The following KNTC1 variants were observed in gnomAD, a reference collection of about 807,000 sequenced individuals.
The protein encoded by KNTC1 is kinetochore-associated protein 1.
KNTC1 carries 253 observed loss-of-function variants against 314.4 expected under a neutral mutation model. That is an observed-to-expected ratio of 0.80 (90% CI 0.73 to 0.89). The LOEUF is 0.89. KNTC1 is among the 40% of genes least tolerant of loss of function. The probability of loss-of-function intolerance (pLI) is 0.00; values close to 1 mark genes in which losing one functional copy is unlikely to be tolerated. For missense variants in KNTC1, 2,475 were observed against 2,572.9 expected, an observed-to-expected ratio of 0.96 and a Z score of 0.82; for synonymous variants, 901 against 901.4, an observed-to-expected ratio of 1.00 and a Z score of 0.01.
rs1257884955 is a variant in KNTC1, at chr12:122,543,584, T to G, written c.524-16T>G. ...ATTAATACTATACATTTAGCCTGCT[T>G]TCTTTTTTAATGCAGCAATTGAGAA... On this transcript the variant is annotated splice_polypyrimidine_tract_variant and intron_variant, in intron 6 of 63. Coordinates refer to ENST00000333479, the MANE Select transcript of KNTC1 (RefSeq NM_014708.6). 6.5e-7 allele frequency: 1 copy of G among 1,540,548 alleles called. No homozygotes were observed. Among genetic ancestry groups the G allele is most frequent in the Non-Finnish European group, 8.8e-7 (1 of 1,135,654 alleles).
chr12:122,584,963 A>G lies in KNTC1; in HGVS notation c.3507A>G (p.Gln1169=). The G allele has an allele frequency of 6.2e-7, 1 of 1,603,040 alleles. No individual in the cohort carries two copies. Among genetic ancestry groups the G allele is most frequent in the South Asian group, 1.1e-5 (1 of 90,822 alleles). ...CTGTAGAGCTTTCCAGACAATGCCAAATGGATGACTGTGGAATCCTCATGA... is the reference window on the plus strand; with the variant it reads ...CTGTAGAGCTTTCCAGACAATGCCAGATGGATGACTGTGGAATCCTCATGA... The part of the protein sequence containing the change: ...LMAVELSRQC[Q]MDDCGILMKA... The change falls in exon 36 of 64, where the codon CAA becomes CAG. Residue 1169 remains glutamine (Q), a synonymous_variant. Coordinates refer to ENST00000333479, the MANE Select transcript of KNTC1 (RefSeq NM_014708.6).
chr12:122,604,142 G>C (rs1872305759), intron 48 of KNTC1, among the ~76,000 whole-genome samples: 1 of 150,578 alleles, frequency 6.6e-6, no homozygotes, highest in Non-Finnish European at 1.5e-5. Context: ...AATAGGAATG[G>C]AATCTGATGA....
At chr12:122,622,700 G>A in intron 62 of KNTC1, 93 bp downstream of exon 62, 2 of 1,075,168 alleles carry the variant, frequency 1.9e-6, no homozygotes, top group South Asian at 3.6e-5. Context: ...TGTAATCCTA[G>A]CACTTTGGGA....
rs759525973 is a variant in KNTC1 at position 122,614,975 on chromosome 12, CT to C, written c.5878-9del. On this transcript the variant is annotated splice_polypyrimidine_tract_variant and intron_variant, in intron 55 of 63. Coordinates refer to ENST00000333479, the MANE Select transcript of KNTC1 (RefSeq NM_014708.6). The stretch of plus-strand genomic sequence containing the variant: ...TGTCTTGGAATAGCATGATTTTTTT[CT>C]TTTTTTGGCTTCAGGCAGTAAGATT... 3.1e-6 allele frequency: 5 copies of C among 1,589,258 alleles called. No individual in the cohort carries two copies. The highest frequency in any genetic ancestry group is 2.2e-5 in the East Asian group (1 of 44,494).
chr12:122,604,533 C>CTTCA, intron 48 of KNTC1, 31 bp from the exon 49 acceptor site: 1 of 1,174,770 alleles, frequency 8.5e-7, no homozygotes, highest in East Asian at 2.6e-5. Context: ...GCCTGTAAAT[C>CTTCA]TTTATTTATT....
intron 56 of KNTC1, among the ~76,000 whole-genome samples, 189 bp from the exon 57 acceptor site, chr12:122,615,281 T>C (rs949754339): frequency 3.3e-5 from 5 of 152,168 alleles, no homozygotes; most frequent in Admixed American, 1.3e-4. Flanking sequence ...ATAAATTTCA[T>C]TGGAAACAAA....
At chr12:122,572,868 A>T in intron 24 of KNTC1, 69 bp from the exon 25 acceptor site, 1 of 1,247,934 alleles carries the variant, frequency 8.0e-7, no homozygotes, top group Non-Finnish European at 1.1e-6. Context: ...TATCTGAAAT[A>T]ATTCTGATTC....
intron 57 of KNTC1, chr12:122,617,446 A>G (rs777426025): frequency 1.1e-5 from 5 of 443,836 alleles, no homozygotes; most frequent in African/African-American, 2.0e-5. Context: ...TGGTCTTAGA[A>G]CTCCTGAGCT....
At chr12:122,546,712 T>C (rs1399417674) in intron 10 of KNTC1, 38 bp downstream of exon 10, 1 of 1,318,600 alleles carries the variant, frequency 7.6e-7, no homozygotes, top group Admixed American at 2.0e-5. Flanking sequence ...TTTTACTTGA[T>C]ATGTTTTACA....
chr12:122,541,421 A>C (rs1397586587), intron 5 of KNTC1, among the ~76,000 whole-genome samples: 2 of 146,316 alleles, frequency 1.4e-5, no homozygotes, highest in Admixed American at 1.4e-4. Context: ...ATTTCAGCTC[A>C]CTGCAACCTC....
Position 122,584,323 on chromosome 12 carries a change from A to T in KNTC1, c.3309A>T (p.Leu1103=). 1 of 1,613,522 alleles carries T rather than the reference A, an allele frequency of 6.2e-7. No individual in the cohort carries two copies. The highest frequency in any genetic ancestry group is 1.1e-5 in the South Asian group (1 of 91,040). ...GCAATGCTGACACTGGGAAATTGCTATTTCTGACATGTCAGAAGCTTTGTC... is the reference window on the plus strand; with the variant it reads ...GCAATGCTGACACTGGGAAATTGCTTTTTCTGACATGTCAGAAGCTTTGTC... ...YHCNADTGKL[L]FLTCQKLCQM... is the part of the protein sequence containing the mutation. Residue 1103 remains leucine, a synonymous_variant, in exon 35 of 64, where the codon CTA becomes CTT. Transcript: ENST00000333479.
chr12:122,569,339 T>G (rs937615244), intron 21 of KNTC1, among the ~76,000 whole-genome samples: 1 of 152,186 alleles, frequency 6.6e-6, no homozygotes, highest in Non-Finnish European at 1.5e-5. Flanking sequence ...AAAGTTGGTA[T>G]AGAACATTAG....
chr12:122,527,978 T>G (rs1483517430), intron 1 of KNTC1, among the ~76,000 whole-genome samples: 2 of 152,246 alleles, frequency 1.3e-5, no homozygotes, highest in Admixed American at 1.3e-4. Context: ...TGCTTTTTTG[T>G]GGAGGTAGCA....
intron 30 of KNTC1, 68 bp from the exon 31 acceptor site, chr12:122,577,604 A>G: frequency 7.1e-7 from 1 of 1,409,882 alleles, no homozygotes; most frequent in Non-Finnish European, 9.4e-7. Flanking sequence ...TAGAAAAGAA[A>G]GAGGTAAGGC....
intron 57 of KNTC1, 119 bp from the exon 58 acceptor site, chr12:122,618,224 A>T (rs1458368707): frequency 6.2e-6 from 5 of 806,094 alleles, no homozygotes; most frequent in South Asian, 1.6e-5. Flanking sequence ...CACCTGCTTC[A>T]GCCTTTCAAA....
chr12:122,534,146 A>G (rs987240900), intron 2 of KNTC1, among the ~76,000 whole-genome samples: 7 of 152,192 alleles, frequency 4.6e-5, no homozygotes, highest in African/African-American at 1.7e-4. Context: ...ATATTTAAAA[A>G]TCAGAACATT....
chr12:122,613,806 C>A, intron 55 of KNTC1, 45 bp downstream of exon 55: 2 of 1,523,500 alleles, frequency 1.3e-6, no homozygotes, highest in South Asian at 1.3e-5. Context: ...TGCCCCTACT[C>A]AGAATCCTGA....
chr12:122,592,411 G>A (rs911473527), intron 42 of KNTC1, among the ~76,000 whole-genome samples: 2 of 152,202 alleles, frequency 1.3e-5, no homozygotes, highest in East Asian at 3.9e-4. Flanking sequence ...GAGTGTGAGC[G>A]CACGGCACGG....
intron 13 of KNTC1, 70 bp from the exon 14 acceptor site, chr12:122,551,249 G>A: frequency 3.0e-6 from 3 of 1,004,006 alleles, no homozygotes; most frequent in Non-Finnish European, 4.6e-6. Context: ...TGAACCAGTA[G>A]TTACTCTAGT....
Sources: allele counts gnomAD v4.1 joint callset (sites outside exome capture counted in the v4.1 genomes callset), GRCh38; gene constraint gnomAD v4.1.1; transcripts MANE v1.5; gene names NCBI Gene and HGNC (gene_info 2026-07-23, HGNC 2026-07-21).